Variants in ADGRL2 observed in about 807,000 individuals in gnomAD.
ADGRL2 encodes the protein calcium-independent alpha-latrotoxin receptor 2.
In ADGRL2, 44 loss-of-function variants were observed where a neutral mutation model predicts 157.4. The ratio of observed to expected loss-of-function variants is 0.28; its 90% CI spans 0.22 to 0.36. The LOEUF (loss-of-function observed/expected upper bound fraction) is 0.36. Among genes scored for constraint, ADGRL2 ranks in the 10% least tolerant of loss-of-function variants. The probability of loss-of-function intolerance (pLI) is 1.00; values close to 1 mark genes in which losing one functional copy is unlikely to be tolerated. For synonymous variants in ADGRL2, 585 were observed against 624.7 expected (o/e 0.94, Z 0.95); for missense variants, 1,510 against 1,768.9 (o/e 0.85, Z 2.63).
At chr1:81,411,817 T>A (rs899805167) in intron 1 of ADGRL2, among the ~76,000 whole-genome samples, 13 of 151,266 alleles carry the variant, frequency 8.6e-5, no homozygotes, top group Admixed American at 7.9e-4. Flanking sequence ...GAGGAGGAGC[T>A]TGCAGTGAGC....
intron 1 of ADGRL2, among the ~76,000 whole-genome samples, chr1:81,341,497 T>C (rs1419404468): frequency 6.6e-6 from 1 of 152,158 alleles, no homozygotes; most frequent in Non-Finnish European, 1.5e-5. Context: ...TTTTATTTTA[T>C]TGCCTGGTAC....
Position 81,824,948 on chromosome 1 carries a change from C to CCTCTCTCTCTCTCTCTCTCT in ADGRL2, c.-100-11922_-100-11903dup, listed in dbSNP as rs3046312. ...GTTTCCAGTTTTGCTTTTTAATTCT[C>CCTCTCTCTCTCTCTCTCTCT]CTCTCTCTCTCTCTCTCTCTCTCTC... On this transcript the variant is annotated intron_variant, in intron 1 of 23. Coordinates refer to ENST00000686636, the MANE Select transcript of ADGRL2 (RefSeq NM_001366006.2). 2.6e-3 allele frequency among the ~76,000 whole-genome samples: 338 copies of CCTCTCTCTCTCTCTCTCTCT among 127,894 alleles called. 2 individuals carry two copies. Among genetic ancestry groups the CCTCTCTCTCTCTCTCTCTCT allele is most frequent in the South Asian group, 0.016 (62 of 3,842 alleles). 83.9% of individuals were successfully genotyped at this position (127,894 alleles called of 152,430 possible). A position where few individuals can be genotyped will look rare whatever the true frequency, so the allele number is the denominator to read the frequency against.
chr1:81,328,110 A>G (rs997370064), intron 1 of ADGRL2, among the ~76,000 whole-genome samples: 2 of 152,162 alleles, frequency 1.3e-5, no homozygotes, highest in Non-Finnish European at 2.9e-5. Context: ...TCAAAGTGCC[A>G]TAAGGAGCAT....
upstream of ADGRL2, chr1:81,800,367 C>A (rs1007272464): frequency 6.6e-6 from 1 of 152,164 alleles, no homozygotes; most frequent in Non-Finnish European, 1.5e-5. Flanking sequence ...GGAGCGTCCC[C>A]CGCGCGCCGC....
chr1:81,505,809 A>T (rs1048391627), intron 2 of ADGRL2, among the ~76,000 whole-genome samples: 2 of 152,038 alleles, frequency 1.3e-5, no homozygotes, highest in African/African-American at 4.8e-5. Context: ...GTTTTTATTA[A>T]AAAAAAGCAC....
chr1:81,922,393 A>C (rs2095003323), intron 3 of ADGRL2, among the ~76,000 whole-genome samples: 1 of 152,160 alleles, frequency 6.6e-6, no homozygotes, highest in Non-Finnish European at 1.5e-5. Context: ...GTTTATATAT[A>C]TCTCAAAAAT....
intron 2 of ADGRL2, among the ~76,000 whole-genome samples, chr1:81,781,717 A>T (rs189592493): frequency 6.6e-6 from 1 of 152,222 alleles, no homozygotes; most frequent in Non-Finnish European, 1.5e-5. Flanking sequence ...AAGCAGGTGC[A>T]TGCAGATAAA....
At chr1:81,755,260 A>G (rs945007438) in intron 1 of ADGRL2, among the ~76,000 whole-genome samples, 1 of 149,888 alleles carries the variant, frequency 6.7e-6, no homozygotes, top group African/African-American at 2.4e-5. Context: ...TAATTGTAGT[A>G]TTTGTCACAG....
At chr1:81,835,067 C>T (rs879746284) in intron 1 of ADGRL2, among the ~76,000 whole-genome samples, 1 of 152,024 alleles carries the variant, frequency 6.6e-6, no homozygotes, top group Non-Finnish European at 1.5e-5. Flanking sequence ...TCCTCCTTCC[C>T]ACAAACAAGG....
At chr1:81,318,070 A>C (rs1660234000) in intron 1 of ADGRL2, among the ~76,000 whole-genome samples, 1 of 152,182 alleles carries the variant, frequency 6.6e-6, no homozygotes, top group Non-Finnish European at 1.5e-5. Flanking sequence ...TTTGCAATAA[A>C]ATAGAAAACA....
At chr1:81,348,925 C>A (rs1053181862) in intron 1 of ADGRL2, among the ~76,000 whole-genome samples, 3 of 152,156 alleles carry the variant, frequency 2.0e-5, no homozygotes, top group Non-Finnish European at 4.4e-5. Flanking sequence ...AGCTATTATG[C>A]ATTCACTGAT....
intron 17 of ADGRL2, among the ~76,000 whole-genome samples, chr1:81,977,440 T>C (rs964521078): frequency 1.2e-4 from 19 of 152,004 alleles, no homozygotes; most frequent in Non-Finnish European, 2.2e-4. Context: ...GACTTTATCA[T>C]ACTTAAGTCT....
chr1:81,376,775 C>T (rs2076258189), intron 1 of ADGRL2, among the ~76,000 whole-genome samples: 1 of 152,168 alleles, frequency 6.6e-6, no homozygotes, highest in South Asian at 2.1e-4. Context: ...CATTGAGACA[C>T]AACCAGATTG....
chr1:81,798,279 T>C (rs1488318103), upstream of ADGRL2, among the ~76,000 whole-genome samples: 2 of 152,162 alleles, frequency 1.3e-5, no homozygotes, highest in African/African-American at 4.8e-5. Flanking sequence ...TCCTTTGTAA[T>C]GGCAGGTTTG....
chr1:81,722,904 A>G (rs889959509), intron 1 of ADGRL2: 8 of 729,926 alleles, frequency 1.1e-5, no homozygotes, highest in East Asian at 2.5e-5. Context: ...CCTGGACTCA[A>G]TGAAATTCTT....
At chr1:81,545,716 G>A (rs2080000316) in intron 2 of ADGRL2, among the ~76,000 whole-genome samples, 1 of 152,180 alleles carries the variant, frequency 6.6e-6, no homozygotes, top group Admixed American at 6.5e-5. Context: ...AGATTAGGAA[G>A]ATTAAGTAAT....
intron 3 of ADGRL2, among the ~76,000 whole-genome samples, chr1:81,656,352 A>G (rs191234342): frequency 6.6e-6 from 1 of 152,332 alleles, no homozygotes; most frequent in East Asian, 1.9e-4. Context: ...GCCCAAGTTC[A>G]TATAGGTCAT....
chr1:81,783,673 G>A (rs946438540), intron 2 of ADGRL2, among the ~76,000 whole-genome samples: 193 of 152,180 alleles, frequency 1.3e-3, no homozygotes, highest in African/African-American at 4.4e-3. Flanking sequence ...GGACTTTTAC[G>A]TAGTCAATAT....
intron 11 of ADGRL2, among the ~76,000 whole-genome samples, chr1:81,958,370 GT>G (rs1654277843): frequency 6.6e-6 from 1 of 151,988 alleles, no homozygotes; most frequent in Non-Finnish European, 1.5e-5. Flanking sequence ...TGAGGGAAAC[GT>G]TCACCTTTTT....
Sources: gnomAD v4.1 joint callset for allele counts (sites outside exome capture counted in the v4.1 genomes callset) on GRCh38, gnomAD v4.1.1 for gene constraint, MANE v1.5 for transcripts, NCBI Gene and HGNC (gene_info 2026-07-23, HGNC 2026-07-21) for gene names.